Variants in DLG2 observed in about 807,000 individuals in gnomAD.
The protein encoded by DLG2 is discs large MAGUK scaffold protein 2, also known as disks large homolog 2.
In DLG2, 45 loss-of-function variants were observed where a neutral mutation model predicts 132.5. The observed-to-expected ratio is 0.34, with a 90% confidence interval of 0.27 to 0.44. The LOEUF (loss-of-function observed/expected upper bound fraction) is 0.44. DLG2 is among the 20% of genes least tolerant of loss of function. The pLI is 1.00. For synonymous variants in DLG2, 424 were observed against 419.6 expected, an observed-to-expected ratio of 1.01 and a Z score of -0.13; for missense variants, 1,045 against 1,196.9, an observed-to-expected ratio of 0.87 and a Z score of 1.87.
chr11:84,328,588 G>C (rs2098444297), intron 7 of DLG2, among the ~76,000 whole-genome samples: 1 of 151,866 alleles, frequency 6.6e-6, no homozygotes, highest in Admixed American at 6.6e-5. Flanking sequence ...AATTTTGCAA[G>C]TTCTTATTTT....
chr11:85,598,507 A>C, intron 3 of DLG2, 150 bp downstream of exon 3: 1 of 460,256 alleles, frequency 2.2e-6, no homozygotes, highest in Non-Finnish European at 3.6e-6. Flanking sequence ...ACAAAAAACA[A>C]AATAAAACAA....
intron 3 of DLG2, among the ~76,000 whole-genome samples, chr11:85,556,866 T>G (rs1282529751): frequency 1.3e-5 from 2 of 151,716 alleles, no homozygotes; most frequent in Non-Finnish European, 2.9e-5. Flanking sequence ...AATATAGAGA[T>G]GAAAAAAATA....
At chr11:84,521,178 G>A (rs1465966639) in intron 7 of DLG2, among the ~76,000 whole-genome samples, 1 of 152,208 alleles carries the variant, frequency 6.6e-6, no homozygotes, top group African/African-American at 2.4e-5. Context: ...TGAAGAGAGA[G>A]GTTGGTCTAG....
chr11:84,946,750 G>A (rs916747946), intron 6 of DLG2, among the ~76,000 whole-genome samples: 5 of 152,070 alleles, frequency 3.3e-5, no homozygotes, highest in South Asian at 2.1e-4. Flanking sequence ...TGCATCCCAC[G>A]TTCACTGGCT....
intron 6 of DLG2, among the ~76,000 whole-genome samples, chr11:84,579,413 T>C (rs1381037171): frequency 6.6e-6 from 1 of 152,144 alleles, no homozygotes; most frequent in African/African-American, 2.4e-5. Context: ...TGGTTTTTGC[T>C]GAAGAGGAAA....
chr11:84,384,829 A>C (rs543580974), intron 7 of DLG2, among the ~76,000 whole-genome samples: 1 of 152,196 alleles, frequency 6.6e-6, no homozygotes, highest in African/African-American at 2.4e-5. Flanking sequence ...CAGAAGCCAC[A>C]AGGTGGCAGA....
chr11:85,606,990 G>C (rs1424937074), intron 2 of DLG2, among the ~76,000 whole-genome samples: 1 of 152,146 alleles, frequency 6.6e-6, no homozygotes, highest in Non-Finnish European at 1.5e-5. Context: ...CTTCATTCTT[G>C]AAGTCAGAGA....
chr11:84,347,907 C>CCAAAAATAT (rs1175587121), intron 7 of DLG2, among the ~76,000 whole-genome samples: 3 of 152,226 alleles, frequency 2.0e-5, no homozygotes, highest in African/African-American at 7.2e-5. Flanking sequence ...GTCTTTACAG[C>CCAAAAATAT]CAAAAATATC....
At chr11:85,154,789 T>C (rs2077485353) in intron 4 of DLG2, 138 bp from the exon 5 acceptor site, 1 of 547,380 alleles carries the variant, frequency 1.8e-6, no homozygotes, top group Middle Eastern at 5.0e-4. Context: ...TTTTAGCATA[T>C]GAATGTACTA....
At chr11:84,031,974 T>C (rs1019842891) in intron 11 of DLG2, among the ~76,000 whole-genome samples, 2 of 152,102 alleles carry the variant, frequency 1.3e-5, no homozygotes, top group Non-Finnish European at 2.9e-5. Flanking sequence ...ACTATCACAA[T>C]AGTTTTGGGG....
intron 18 of DLG2, chr11:83,724,905 C>T (rs1193118130): frequency 2.8e-6 from 2 of 702,504 alleles, no homozygotes; most frequent in South Asian, 3.0e-5. Flanking sequence ...CAGGCAGCTG[C>T]TTCCCAAATT....
intron 4 of DLG2, among the ~76,000 whole-genome samples, chr11:85,162,791 C>T (rs757256366): frequency 5.3e-5 from 8 of 151,958 alleles, no homozygotes; most frequent in Non-Finnish European, 8.8e-5. Flanking sequence ...AGGAGATGTA[C>T]GTGGGTTCAA....
At chr11:85,288,289 C>T (rs2078682865) in intron 3 of DLG2, among the ~76,000 whole-genome samples, 1 of 151,964 alleles carries the variant, frequency 6.6e-6, no homozygotes, top group African/African-American at 2.4e-5. Context: ...TTATTCTCCA[C>T]TAGCAATAAA....
At chr11:83,661,558 AT>A (rs553174904) in intron 18 of DLG2, among the ~76,000 whole-genome samples, 21 of 151,636 alleles carry the variant, frequency 1.4e-4, no homozygotes, top group Non-Finnish European at 1.8e-4. Context: ...TATAATATTA[AT>A]TTTTTTTTGG....
chr11:83,800,406 C>T (rs917812501), intron 17 of DLG2, among the ~76,000 whole-genome samples: 4 of 152,172 alleles, frequency 2.6e-5, no homozygotes, highest in African/African-American at 9.7e-5. Context: ...AAATACCCTC[C>T]AGCATGTTTC....
intron 3 of DLG2, among the ~76,000 whole-genome samples, chr11:85,526,950 T>C (rs1598281504): frequency 6.6e-6 from 1 of 152,286 alleles, no homozygotes; most frequent in East Asian, 1.9e-4. Context: ...ACTTTTTCAA[T>C]GAAAAAATTT....
intron 6 of DLG2, among the ~76,000 whole-genome samples, chr11:84,813,882 G>A (rs1293367225): frequency 2.0e-5 from 3 of 151,964 alleles, no homozygotes; most frequent in Non-Finnish European, 2.9e-5. Context: ...ACCTCTCACT[G>A]GAAAGAGACT....
chr11:85,530,862 A>T (rs955416024), intron 3 of DLG2, among the ~76,000 whole-genome samples: 1 of 152,172 alleles, frequency 6.6e-6, no homozygotes, highest in Admixed American at 6.5e-5. Flanking sequence ...GTCCCTCTGT[A>T]TATTACATAG....
intron 6 of DLG2, among the ~76,000 whole-genome samples, chr11:84,959,064 G>C (rs2052138182): frequency 6.6e-6 from 1 of 152,126 alleles, no homozygotes; most frequent in African/African-American, 2.4e-5. Context: ...TGGCTCATTA[G>C]AGACGCTTCC....
Sources: gnomAD v4.1 joint callset for allele counts (sites outside exome capture counted in the v4.1 genomes callset) on GRCh38, gnomAD v4.1.1 for gene constraint, MANE v1.5 for transcripts, NCBI Gene and HGNC (gene_info 2026-07-23, HGNC 2026-07-21) for gene names.